Variants in SLC12A2 observed in about 807,000 individuals in gnomAD.
SLC12A2 encodes Na-K-2Cl cotransporter 1.
A neutral mutation model predicts 136.3 loss-of-function variants in SLC12A2; 67 were observed. That is an observed-to-expected ratio of 0.49 (90% CI 0.40 to 0.60). SLC12A2 has a LOEUF of 0.60. SLC12A2 is among the 20% of genes least tolerant of loss of function. The probability of loss-of-function intolerance (pLI) is 0.00; values close to 1 mark genes in which losing one functional copy is unlikely to be tolerated. For synonymous variants in SLC12A2, 619 were observed against 562.9 expected, an observed-to-expected ratio of 1.10 and a Z score of -1.41; for missense variants, 1,322 against 1,534.7, an observed-to-expected ratio of 0.86 and a Z score of 2.32.
chr5:128,167,691 T>G, intron 17 of SLC12A2, 70 bp from the exon 18 acceptor site: 1 of 1,096,950 alleles, frequency 9.1e-7, no homozygotes, highest in South Asian at 1.5e-5. Flanking sequence ...TGGAGGACAG[T>G]TTTATCACTT....
intron 5 of SLC12A2, among the ~76,000 whole-genome samples, chr5:128,132,719 C>T (rs1045355270): frequency 2.0e-5 from 3 of 152,144 alleles, no homozygotes; most frequent in Non-Finnish European, 4.4e-5. Flanking sequence ...CCTGCGTTGA[C>T]ATTGACCTTT....
intron 10 of SLC12A2, among the ~76,000 whole-genome samples, chr5:128,143,153 C>CG (rs1431234464): frequency 5.9e-5 from 9 of 152,160 alleles, no homozygotes; most frequent in South Asian, 2.1e-4. Flanking sequence ...TCAGCATATA[C>CG]GTCCTGTATG....
chr5:128,099,524 C>T (rs1035828128), intron 1 of SLC12A2, among the ~76,000 whole-genome samples: 15 of 152,190 alleles, frequency 9.9e-5, no homozygotes, highest in African/African-American at 3.6e-4. Context: ...ATAAATTAAC[C>T]TCAGCTTGTT....
At chr5:128,131,992 T>C (rs1038515365) in intron 5 of SLC12A2, among the ~76,000 whole-genome samples, 20 of 152,102 alleles carry the variant, frequency 1.3e-4, no homozygotes. Context: ...GCAGCAAGAG[T>C]GAAACTCTGT....
chr5:128,123,840 G>A (rs556799130), intron 4 of SLC12A2, among the ~76,000 whole-genome samples: 1 of 152,070 alleles, frequency 6.6e-6, no homozygotes, highest in Admixed American at 6.6e-5. Context: ...TTTTGGAATG[G>A]TATCTAAGAA....
At chr5:128,150,995 T>C (rs1395606754) in intron 13 of SLC12A2, among the ~76,000 whole-genome samples, 1 of 151,910 alleles carries the variant, frequency 6.6e-6, no homozygotes, top group Non-Finnish European at 1.5e-5. Context: ...GTTTATTGAA[T>C]ACAGAACTAG....
intron 16 of SLC12A2, among the ~76,000 whole-genome samples, chr5:128,160,782 T>C (rs201342501): frequency 1.3e-5 from 2 of 152,064 alleles, no homozygotes; most frequent in South Asian, 2.1e-4. Flanking sequence ...ATTGTATACC[T>C]CATGTCTCAT....
chr5:128,162,434 T>A (rs1331932290), intron 17 of SLC12A2, among the ~76,000 whole-genome samples: 5 of 152,018 alleles, frequency 3.3e-5, no homozygotes, highest in African/African-American at 1.2e-4. Context: ...ACAAAACACA[T>A]CTCCAGATGG....
At chr5:128,132,340 G>T (rs1040455273) in intron 5 of SLC12A2, among the ~76,000 whole-genome samples, 1 of 152,172 alleles carries the variant, frequency 6.6e-6, no homozygotes, top group Non-Finnish European at 1.5e-5. Context: ...AGATTTTAAA[G>T]AATTTGAAGG....
intron 5 of SLC12A2, among the ~76,000 whole-genome samples, chr5:128,133,791 T>A (rs961144482): frequency 2.7e-4 from 41 of 152,094 alleles, no homozygotes; most frequent in Admixed American, 2.0e-4. Context: ...ATAAAAGACC[T>A]TTAAAAGCAT....
rs2126761370 is a variant in SLC12A2, at chr5:128,184,432, T to C, written c.3366T>C (p.Ile1122=). 6.2e-7 allele frequency: 1 copy of C among 1,606,052 alleles called. No homozygotes were observed. Among genetic ancestry groups the C allele is most frequent in the East Asian group, 2.2e-5 (1 of 44,608 alleles). ...RLHEDDKEQD[I]ADKMKEDEPW... ...ATGAAGATGATAAAGAGCAAGATAT[T>C]GCAGATAAAATGAAAGAAGATGAAC... Residue 1122 remains isoleucine, a synonymous_variant, in exon 25 of 27, where the codon ATT becomes ATC. Coordinates refer to ENST00000262461, the MANE Select transcript of SLC12A2 (RefSeq NM_001046.3).
At chr5:128,185,296 T>C (rs140544231) in intron 26 of SLC12A2, among the ~76,000 whole-genome samples, 498 of 152,278 alleles carry the variant, frequency 3.3e-3, no homozygotes, top group Non-Finnish European at 5.5e-3. Context: ...ATTCTTATGT[T>C]TCCAACACGC....
intron 4 of SLC12A2, among the ~76,000 whole-genome samples, chr5:128,120,127 A>G (rs1474002275): frequency 1.6e-4 from 24 of 152,236 alleles, no homozygotes; most frequent in Admixed American, 1.3e-4. Flanking sequence ...ATCACTGGCC[A>G]TCAGAGAAAC....
intron 4 of SLC12A2, among the ~76,000 whole-genome samples, chr5:128,121,384 A>C (rs1217907693): frequency 6.6e-6 from 1 of 151,904 alleles, no homozygotes; most frequent in Non-Finnish European, 1.5e-5. Flanking sequence ...GTAAAGTGGC[A>C]CGATCTCGGC....
intron 4 of SLC12A2, among the ~76,000 whole-genome samples, chr5:128,129,990 A>G (rs1279725349): frequency 1.3e-5 from 2 of 151,784 alleles, no homozygotes; most frequent in African/African-American, 2.4e-5. Flanking sequence ...CTGGGATACA[A>G]ACTACATCTC....
chr5:128,111,996 G>A (rs577959954), intron 1 of SLC12A2, among the ~76,000 whole-genome samples: 1 of 152,060 alleles, frequency 6.6e-6, no homozygotes, highest in Non-Finnish European at 1.5e-5. Flanking sequence ...GATGGTGTTA[G>A]AGACATAATT....
At chr5:128,143,350 C>T (rs1187979108) in intron 10 of SLC12A2, among the ~76,000 whole-genome samples, 1 of 152,058 alleles carries the variant, frequency 6.6e-6, no homozygotes, top group Non-Finnish European at 1.5e-5. Context: ...AGTCATGCAG[C>T]ATGAAATCAC....
chr5:128,159,550 A>T (rs1325284079), intron 16 of SLC12A2, among the ~76,000 whole-genome samples: 1 of 152,212 alleles, frequency 6.6e-6, no homozygotes, highest in Non-Finnish European at 1.5e-5. Context: ...ACTTAAACAA[A>T]TTTACAAGAA....
intron 4 of SLC12A2, among the ~76,000 whole-genome samples, chr5:128,129,638 A>AT (rs1172876398): frequency 6.6e-6 from 1 of 152,090 alleles, no homozygotes; most frequent in Non-Finnish European, 1.5e-5. Flanking sequence ...TAACTGTAGA[A>AT]TTTTTTTGTT....
Sources: gnomAD v4.1 joint callset for allele counts (sites outside exome capture counted in the v4.1 genomes callset) on GRCh38, gnomAD v4.1.1 for gene constraint, MANE v1.5 for transcripts, NCBI Gene and HGNC (gene_info 2026-07-23, HGNC 2026-07-21) for gene names.